PDLIM7: variants seen among roughly 807,000 people sequenced by gnomAD.
The protein encoded by PDLIM7 is PDZ and LIM domain protein 7.
In PDLIM7, 37 loss-of-function variants were observed where a neutral mutation model predicts 53.9. The ratio of observed to expected loss-of-function variants is 0.69; its 90% CI spans 0.53 to 0.90. The LOEUF (loss-of-function observed/expected upper bound fraction) is 0.90, where lower values mean the gene tolerates loss of function less well. Among genes scored for constraint, PDLIM7 ranks in the 40% least tolerant of loss-of-function variants. The pLI, the probability that PDLIM7 is intolerant of heterozygous loss-of-function variation, is 0.00. For synonymous variants in PDLIM7, 300 were observed against 261.3 expected (o/e 1.15, Z -1.43); for missense variants, 617 against 638.5 (o/e 0.97, Z 0.36).
intron 12 of PDLIM7, 62 bp from the exon 13 acceptor site, chr5:177,483,792 C>G (rs1436303310): frequency 1.9e-6 from 3 of 1,584,684 alleles, no homozygotes; most frequent in Non-Finnish European, 2.6e-6. Flanking sequence ...CCCTTCCCAA[C>G]TTCTCCTGCA....
chr5:177,492,536 C>G lies in PDLIM7; in HGVS notation c.238G>C (p.Gly80Arg), dbSNP rs1412517914. The G allele has an allele frequency of 6.2e-7, 1 of 1,613,662 alleles. No homozygotes were observed. Among genetic ancestry groups the G allele is most frequent in the Non-Finnish European group, 8.5e-7 (1 of 1,179,702 alleles). The change falls in exon 3 of 13, where the codon GGC becomes CGC. Residue 80 changes from glycine to arginine, a missense_variant. Gly to Arg is a moderately radical substitution (Grantham distance 125, BLOSUM62 -2). Coordinates refer to ENST00000355841, the MANE Select transcript of PDLIM7 (RefSeq NM_005451.5). ...IRACGERLSL[G>R]LSRAQPVQSK... ...TGTCCACCCGCATACCTGCTGAGGC[C>G]CAGGCTGAGGCGCTCCCCGCAGGCC...
At chr5:177,494,537 G>A (rs769682966) in intron 2 of PDLIM7, among the ~76,000 whole-genome samples, 1 of 136,804 alleles carries the variant, frequency 7.3e-6, no homozygotes, top group Non-Finnish European at 1.6e-5. Context: ...GTCTTGGGGT[G>A]CAGCTAGCTG....
At position 177,489,485 on chromosome 5, in the gene PDLIM7, G is replaced by C. The variant is rs571261689; in HGVS notation, c.777C>G (p.Thr259=). The part of the protein sequence containing the change: ...PATPTPLQSR[T]SIVQAAAGGV... Reference sequence around the variant, plus strand: ...CTCCGGCAGCTGCCTGCACAATGGAGGTGCGGCTCTGCAGCGGCGTGGGCG... The same window carrying C: ...CTCCGGCAGCTGCCTGCACAATGGACGTGCGGCTCTGCAGCGGCGTGGGCG... The change falls in exon 9 of 13, where the codon ACC becomes ACG. Residue 259 remains threonine, a synonymous_variant. Transcript: ENST00000355841. The C allele has an allele frequency of 4.4e-6, 7 of 1,607,598 alleles. No homozygotes were observed. Among genetic ancestry groups the C allele is most frequent in the South Asian group, 3.3e-5 (3 of 89,768 alleles).
At chr5:177,492,284 G>T in intron 4 of PDLIM7, 121 bp downstream of exon 4, 1 of 1,313,992 alleles carries the variant, frequency 7.6e-7, no homozygotes, top group Non-Finnish European at 1.0e-6. Flanking sequence ...CCTTAGCTCC[G>T]GTTTCTGCCC....
intron 10 of PDLIM7, among the ~76,000 whole-genome samples, chr5:177,485,572 C>A (rs1206529610): frequency 6.6e-6 from 1 of 152,242 alleles, no homozygotes; most frequent in Non-Finnish European, 1.5e-5. Context: ...GATCCCAGAT[C>A]CAATCCCTGC....
In PDLIM7 at chr5:177,488,274, G is replaced by A. The variant is rs781290858; in HGVS notation, c.870-26C>T. On this transcript the variant is annotated intron_variant, in intron 9 of 12. Transcript: ENST00000355841. Reference sequence around the variant, plus strand: ...CTGCAGGGAGGCGAGAGCGGTCAGAGGGAGCACACGCAGAGAGGTGGGGGT... The same window carrying A: ...CTGCAGGGAGGCGAGAGCGGTCAGAAGGAGCACACGCAGAGAGGTGGGGGT... The A allele has an allele frequency of 2.6e-6, 4 of 1,567,022 alleles. No individual in the cohort carries two copies. In the African/African-American group the frequency reaches 5.4e-5, roughly 21 times the overall value.
At chr5:177,484,366 C>CA (rs1440597284) in intron 10 of PDLIM7, 176 bp from the exon 11 acceptor site, 2 of 700,892 alleles carry the variant, frequency 2.9e-6, no homozygotes, top group East Asian at 5.5e-5. Flanking sequence ...AGTGGACGAC[C>CA]ACTGCGCCTT....
At chr5:177,488,889 C>CA (rs56297561) in intron 9 of PDLIM7, among the ~76,000 whole-genome samples, 1,134 of 105,928 alleles carry the variant, frequency 0.011, 8 homozygotes, top group African/African-American at 0.032. Context: ...GACTCTGTTT[C>CA]AAAAAAAAAA....
intron 9 of PDLIM7, 78 bp downstream of exon 9, chr5:177,489,315 G>T: frequency 8.8e-7 from 1 of 1,134,194 alleles, no homozygotes; most frequent in Non-Finnish European, 1.3e-6. Context: ...TCGCAGCTGA[G>T]GCAAGACAGG....
intron 10 of PDLIM7, among the ~76,000 whole-genome samples, chr5:177,487,003 T>G (rs1434491003): frequency 3.2e-5 from 4 of 124,724 alleles, no homozygotes; most frequent in African/African-American, 9.0e-5. Flanking sequence ...GGCACAATCT[T>G]GGCTCACTGC....
At position 177,488,263 on chromosome 5, in the gene PDLIM7, G is replaced by C. The variant is rs1758564809; in HGVS notation, c.870-15C>G. On this transcript the variant is annotated splice_polypyrimidine_tract_variant and intron_variant, in intron 9 of 12. Transcript: ENST00000355841. Reference sequence around the variant, plus strand: ...GGTAGCGGCCCCTGCAGGGAGGCGAGAGCGGTCAGAGGGAGCACACGCAGA... The same window carrying C: ...GGTAGCGGCCCCTGCAGGGAGGCGACAGCGGTCAGAGGGAGCACACGCAGA... The C allele has an allele frequency of 6.3e-7, 1 of 1,583,822 alleles. No homozygotes were observed. Among genetic ancestry groups the C allele is most frequent in the Non-Finnish European group, 8.6e-7 (1 of 1,164,662 alleles).
At chr5:177,491,411 G>A (rs1393155286) in intron 5 of PDLIM7, 14 of 1,551,718 alleles carry the variant, frequency 9.0e-6, no homozygotes, top group Middle Eastern at 1.7e-4. Context: ...GACTTGTCAG[G>A]GGTCTGCACC....
At position 177,497,515 on chromosome 5, in the gene PDLIM7, C is replaced by G. The variant is rs964671702; in HGVS notation, c.-12+13G>C. 6.6e-6 allele frequency: 1 copy of G among 152,378 alleles called. No homozygotes were observed. The allele number at this position is 152,378 out of a possible 1,614,324, so 9.4% of individuals were successfully genotyped here. A position where few individuals can be genotyped will look rare whatever the true frequency, so the allele number is the denominator to read the frequency against. ...CTGGTGCAGCCCAAGACGCCCCGCGCGGTCGTCGATACCTGCTTGGCCCGG... is the reference window on the plus strand; with the variant it reads ...CTGGTGCAGCCCAAGACGCCCCGCGGGGTCGTCGATACCTGCTTGGCCCGG... On this transcript the variant is annotated intron_variant, in intron 1 of 12. Transcript: ENST00000355841.
intron 2 of PDLIM7, among the ~76,000 whole-genome samples, chr5:177,494,577 C>T (rs932263668): frequency 1.3e-5 from 2 of 151,300 alleles, no homozygotes; most frequent in African/African-American, 2.4e-5. Context: ...GGGGCGGGGA[C>T]GGCTTCCCTT....
intron 10 of PDLIM7, chr5:177,484,411 C>G (rs376260009): frequency 1.8e-6 from 1 of 555,672 alleles, no homozygotes; most frequent in Non-Finnish European, 3.2e-6. Flanking sequence ...GTTCCTGATT[C>G]CCTCACCCCA....
In PDLIM7 at chr5:177,491,930, G is replaced by A; in HGVS notation, c.280-5C>T. ...GTCCGCGGCGGGGGCGGAGGCCTGG[G>A]CAGAGACACAGCCGGGCAGGGCGGG... On this transcript the variant is annotated splice_polypyrimidine_tract_variant and splice_region_variant and intron_variant, in intron 4 of 12. Coordinates refer to ENST00000355841, the MANE Select transcript of PDLIM7 (RefSeq NM_005451.5). 2 of 488,878 alleles carry A rather than the reference G, an allele frequency of 4.1e-6. No homozygotes were observed. The highest frequency in any genetic ancestry group is 2.9e-6 in the Non-Finnish European group (1 of 344,388). The allele number at this position is 488,878 out of a possible 1,614,324, so 30.3% of individuals were successfully genotyped here.
chr5:177,485,264 C>T (rs997166870), intron 10 of PDLIM7, among the ~76,000 whole-genome samples: 4 of 152,208 alleles, frequency 2.6e-5, no homozygotes, highest in Non-Finnish European at 4.4e-5. Context: ...GTGGGTGAGT[C>T]GACTGGCCTC....
intron 10 of PDLIM7, among the ~76,000 whole-genome samples, chr5:177,486,779 C>CAGGCG (rs1365465570): frequency 1.3e-5 from 2 of 150,838 alleles, no homozygotes; most frequent in African/African-American, 2.5e-5. Flanking sequence ...GCTGGGACTA[C>CAGGCG]TCCACCATGC....
chr5:177,488,765 C>T (rs1408909660), intron 9 of PDLIM7, among the ~76,000 whole-genome samples: 1 of 152,154 alleles, frequency 6.6e-6, no homozygotes, highest in Non-Finnish European at 1.5e-5. Flanking sequence ...TGGCGGGTGC[C>T]TGTAATCCCA....
Sources: allele counts gnomAD v4.1 joint callset (sites outside exome capture counted in the v4.1 genomes callset), GRCh38; gene constraint gnomAD v4.1.1; transcripts MANE v1.5; gene names NCBI Gene and HGNC (gene_info 2026-07-23, HGNC 2026-07-21).